Variants in PHEX observed in about 807,000 individuals in gnomAD.
PHEX encodes the protein phosphate-regulating neutral endopeptidase PHEX.
Under a neutral mutation model 68.0 loss-of-function variants are expected in PHEX, and 16 were observed. The ratio of observed to expected loss-of-function variants is 0.24; its 90% CI spans 0.16 to 0.36. PHEX has a LOEUF of 0.36. Among genes scored for constraint, PHEX ranks in the 10% least tolerant of loss-of-function variants. PHEX has a pLI of 1.00. For synonymous variants in PHEX, 208 were observed against 205.1 expected (o/e 1.01, Z -0.12); for missense variants, 480 against 575.5 (o/e 0.83, Z 1.70).
At chrX:22,048,222 T>A (rs926385748) in intron 3 of PHEX, among the ~76,000 whole-genome samples, 1 of 111,792 alleles carries the variant, frequency 8.9e-6, no homozygotes, top group Non-Finnish European at 1.9e-5. Flanking sequence ...CATGGACTTA[T>A]ATTTTCTATT....
At chrX:22,048,857 G>T (rs181270852) in intron 3 of PHEX, among the ~76,000 whole-genome samples, 24 of 111,747 alleles carry the variant, frequency 2.1e-4, no homozygotes, top group African/African-American at 5.8e-4. Flanking sequence ...TTAGAAGAAA[G>T]GTCGCTCATA....
At chrX:22,222,899 A>C (rs113620566) in intron 18 of PHEX, among the ~76,000 whole-genome samples, 48 of 112,024 alleles carry the variant, frequency 4.3e-4, no homozygotes, top group African/African-American at 1.5e-3. Flanking sequence ...AGTTTAAGTA[A>C]GTCTGTACGA....
chrX:22,124,508 G>C (rs1456833589), intron 11 of PHEX, among the ~76,000 whole-genome samples: 1 of 111,881 alleles, frequency 8.9e-6, no homozygotes, highest in Non-Finnish European at 1.9e-5. Context: ...TTTACCTAAA[G>C]AAAACATTTA....
At chrX:22,233,475 T>C (rs922189126) in intron 20 of PHEX, among the ~76,000 whole-genome samples, 3 of 111,498 alleles carry the variant, frequency 2.7e-5, no homozygotes, top group African/African-American at 6.5e-5. Flanking sequence ...TCTTTTCACA[T>C]AGTCCCATAT....
chrX:22,093,130 G>A (rs781570219), intron 6 of PHEX, among the ~76,000 whole-genome samples: 30 of 111,963 alleles, frequency 2.7e-4, no homozygotes, highest in African/African-American at 9.7e-4. Context: ...GTACTGTATA[G>A]GTCCTAAGGT....
At position 22,113,943 on chromosome X, in the gene PHEX, CTTTTTTT is replaced by C. The variant is rs746349559; in HGVS notation, c.1174-498_1174-492del. ...TAAATCACTTTCTTTTCTTCTTCTTCTTTTTTTTTTTTTTTTTTTTTTTCCAGACAGA... is the reference window on the plus strand; with the variant it reads ...TAAATCACTTTCTTTTCTTCTTCTTCTTTTTTTTTTTTTTTTCCAGACAGA... On this transcript the variant is annotated intron_variant, in intron 10 of 21. Coordinates refer to ENST00000379374, the MANE Select transcript of PHEX (RefSeq NM_000444.6). Among the ~76,000 whole-genome samples the C allele has an allele frequency of 1.8e-3, 116 of 63,981 alleles. 1 individual carries two copies. The highest frequency in any genetic ancestry group is 2.8e-3 in the Non-Finnish European group (96 of 34,396). The allele number at this position is 63,981 out of a possible 115,157, so 55.6% of individuals were successfully genotyped here. A position where few individuals can be genotyped will look rare whatever the true frequency, so the allele number is the denominator to read the frequency against.
At chrX:22,141,404 T>C (rs759759866) in intron 12 of PHEX, among the ~76,000 whole-genome samples, 9 of 112,103 alleles carry the variant, frequency 8.0e-5, no homozygotes, top group Non-Finnish European at 1.5e-4. Flanking sequence ...TTGTCTTGCA[T>C]ACAAATTATA....
intron 7 of PHEX, among the ~76,000 whole-genome samples, chrX:22,095,251 T>A (rs1359481510): frequency 8.9e-6 from 1 of 112,025 alleles, no homozygotes; most frequent in Non-Finnish European, 1.9e-5. Flanking sequence ...CTGCTGCAGA[T>A]GTTTCGAAGT....
At chrX:22,214,901 T>C (rs1284195511) in intron 16 of PHEX, among the ~76,000 whole-genome samples, 2 of 112,138 alleles carry the variant, frequency 1.8e-5, no homozygotes, top group Non-Finnish European at 3.8e-5. Flanking sequence ...CATAGTTTTC[T>C]TTGGTGTTCA....
At chrX:22,133,904 C>T (rs1429272646) in intron 12 of PHEX, among the ~76,000 whole-genome samples, 1 of 112,127 alleles carries the variant, frequency 8.9e-6, no homozygotes, top group African/African-American at 3.2e-5. Flanking sequence ...GGCTTGCTGC[C>T]TGGTGAATTG....
At chrX:22,188,685 G>A (rs1251924484) in intron 14 of PHEX, among the ~76,000 whole-genome samples, 1 of 112,045 alleles carries the variant, frequency 8.9e-6, no homozygotes, top group South Asian at 3.7e-4. Context: ...ATACAGGCCT[G>A]CAATGCATAA....
At chrX:22,110,882 T>G (rs113505613) in intron 9 of PHEX, among the ~76,000 whole-genome samples, 1 of 111,981 alleles carries the variant, frequency 8.9e-6, no homozygotes, top group African/African-American at 3.2e-5. Context: ...CTGGCTAGGA[T>G]GCCATCCTGT....
At chrX:22,209,043 T>C (rs1395943063) in intron 15 of PHEX, among the ~76,000 whole-genome samples, 1 of 111,788 alleles carries the variant, frequency 8.9e-6, no homozygotes, top group East Asian at 2.8e-4. Flanking sequence ...AGAAGTTTGC[T>C]TGTGTAAGTT....
intron 11 of PHEX, among the ~76,000 whole-genome samples, chrX:22,126,507 T>C (rs747095113): frequency 8.9e-6 from 1 of 112,256 alleles, no homozygotes; most frequent in African/African-American, 3.2e-5. Context: ...AATGTATTAA[T>C]AGAACCATCA....
At chrX:22,146,289 C>T (rs938331139) in intron 12 of PHEX, among the ~76,000 whole-genome samples, 4 of 111,879 alleles carry the variant, frequency 3.6e-5, no homozygotes, top group African/African-American at 9.7e-5. Context: ...AGCAAATTTG[C>T]AGAAATATCT....
intron 9 of PHEX, among the ~76,000 whole-genome samples, chrX:22,105,872 G>T (rs1222956218): frequency 9.0e-6 from 1 of 111,562 alleles, no homozygotes; most frequent in African/African-American, 3.3e-5. Context: ...TTCTGATTTT[G>T]GATTTATTCA....
intron 20 of PHEX, among the ~76,000 whole-genome samples, chrX:22,240,035 G>C (rs1260892533): frequency 2.8e-5 from 3 of 108,016 alleles, no homozygotes; most frequent in Non-Finnish European, 5.9e-5. Flanking sequence ...GACTAACAAA[G>C]GATATTTCGG....
intron 5 of PHEX, among the ~76,000 whole-genome samples, chrX:22,084,802 AAT>A (rs1929554605): frequency 9.0e-6 from 1 of 110,609 alleles, no homozygotes; most frequent in South Asian, 3.8e-4. Context: ...AGCTGTTCAT[AAT>A]AGTCTTTATA....
chrX:22,106,545 C>T (rs1002898050), intron 9 of PHEX, among the ~76,000 whole-genome samples: 7 of 110,569 alleles, frequency 6.3e-5, no homozygotes, highest in East Asian at 2.9e-4. Context: ...CCGAGTTGGG[C>T]GGATTGCTTG....
Sources: gnomAD v4.1 joint callset for allele counts (sites outside exome capture counted in the v4.1 genomes callset) on GRCh38, gnomAD v4.1.1 for gene constraint, MANE v1.5 for transcripts, NCBI Gene and HGNC (gene_info 2026-07-23, HGNC 2026-07-21) for gene names.